Variants in ITGA8 observed in about 807,000 individuals in gnomAD.
The protein encoded by ITGA8 is integrin subunit alpha 8.
ITGA8 carries 91 observed loss-of-function variants against 142.3 expected under a neutral mutation model. The observed-to-expected ratio is 0.64, with a 90% confidence interval of 0.54 to 0.76. The LOEUF (loss-of-function observed/expected upper bound fraction) is 0.76. Among genes scored for constraint, ITGA8 ranks in the 30% least tolerant of loss-of-function variants. ITGA8 has a pLI of 0.00. For missense variants in ITGA8, 1,406 were observed against 1,327.7 expected (o/e 1.06, Z -0.92); for synonymous variants, 505 against 485.2 (o/e 1.04, Z -0.54).
intron 27 of ITGA8, 110 bp downstream of exon 27, chr10:15,548,345 G>A (rs557104114): frequency 5.7e-5 from 42 of 732,014 alleles, no homozygotes; most frequent in African/African-American, 1.5e-4. Flanking sequence ...CATCTGCCTC[G>A]GACTTCCACA....
At chr10:15,672,211 G>T (rs181417915) in intron 7 of ITGA8, among the ~76,000 whole-genome samples, 2 of 152,276 alleles carry the variant, frequency 1.3e-5, no homozygotes, top group East Asian at 1.9e-4. Context: ...CCAAAGTTGG[G>T]AAACAGTAGT....
intron 13 of ITGA8, among the ~76,000 whole-genome samples, chr10:15,620,415 C>A (rs1318558192): frequency 6.6e-6 from 1 of 152,094 alleles, no homozygotes; most frequent in African/African-American, 2.4e-5. Flanking sequence ...GGACACCCTC[C>A]CAACGGTAAT....
At chr10:15,601,541 G>A (rs775812622) in intron 20 of ITGA8, among the ~76,000 whole-genome samples, 8 of 152,062 alleles carry the variant, frequency 5.3e-5, no homozygotes, top group African/African-American at 7.2e-5. Context: ...ACTGAACTGC[G>A]CACTTGAAAA....
intron 8 of ITGA8, among the ~76,000 whole-genome samples, chr10:15,664,709 T>TA (rs1282455040): frequency 7.4e-6 from 1 of 135,616 alleles, no homozygotes; most frequent in African/African-American, 2.7e-5. Flanking sequence ...ATGCTCCCCT[T>TA]CCTGTGTCCA....
intron 2 of ITGA8, among the ~76,000 whole-genome samples, chr10:15,704,933 C>T (rs544759979): frequency 1.3e-5 from 2 of 152,274 alleles, no homozygotes; most frequent in Non-Finnish European, 2.9e-5. Flanking sequence ...TGCCTGCTGC[C>T]AAAAGATATA....
chr10:15,616,207 C>A (rs1006179291), intron 14 of ITGA8, among the ~76,000 whole-genome samples: 1 of 152,204 alleles, frequency 6.6e-6, no homozygotes, highest in Non-Finnish European at 1.5e-5. Context: ...CATTTCAATG[C>A]ATTTCCAAAG....
intron 25 of ITGA8, among the ~76,000 whole-genome samples, chr10:15,565,358 TTTTTGTTTTG>T (rs145563072): frequency 6.6e-6 from 1 of 151,788 alleles, no homozygotes; most frequent in African/African-American, 2.4e-5. Context: ...GCTAAGTTCT[TTTTTGTTTTG>T]TTTTGTTTTG....
chr10:15,532,430 A>AAAAAAAAAG (rs1564339118), intron 27 of ITGA8, among the ~76,000 whole-genome samples: 5 of 135,018 alleles, frequency 3.7e-5, no homozygotes, highest in Admixed American at 8.1e-5. Context: ...AAAAAAAAAA[A>AAAAAAAAAG]AAAAAAAAAA....
chr10:15,681,421 T>C (rs543986971), intron 4 of ITGA8, among the ~76,000 whole-genome samples: 3 of 152,344 alleles, frequency 2.0e-5, no homozygotes, highest in East Asian at 1.9e-4. Flanking sequence ...TGGCAATTTA[T>C]TGAGCTATTC....
chr10:15,538,328 C>G (rs1424360680), intron 27 of ITGA8, among the ~76,000 whole-genome samples: 1 of 152,052 alleles, frequency 6.6e-6, no homozygotes, highest in Non-Finnish European at 1.5e-5. Flanking sequence ...GCCTGGCCAA[C>G]ATGGTGAAAC....
intron 6 of ITGA8, among the ~76,000 whole-genome samples, chr10:15,674,464 G>C (rs1200552887): frequency 6.6e-6 from 1 of 152,190 alleles, no homozygotes; most frequent in Non-Finnish European, 1.5e-5. Flanking sequence ...AATTAACCAA[G>C]TGAATTAGAA....
intron 2 of ITGA8, among the ~76,000 whole-genome samples, chr10:15,711,140 A>G (rs1398823106): frequency 6.6e-6 from 1 of 152,234 alleles, no homozygotes; most frequent in East Asian, 1.9e-4. Flanking sequence ...TAGGAATGAC[A>G]CAAGGAACAA....
intron 2 of ITGA8, among the ~76,000 whole-genome samples, chr10:15,717,588 G>T (rs1835476987): frequency 6.6e-6 from 1 of 152,044 alleles, no homozygotes; most frequent in South Asian, 2.1e-4. Flanking sequence ...TAAAATAACA[G>T]AATATTTAAT....
At chr10:15,593,148 G>A (rs1276501981) in intron 21 of ITGA8, among the ~76,000 whole-genome samples, 2 of 152,116 alleles carry the variant, frequency 1.3e-5, no homozygotes, top group Non-Finnish European at 2.9e-5. Flanking sequence ...AGAATAATAT[G>A]TTCTAGTTGA....
intron 8 of ITGA8, among the ~76,000 whole-genome samples, chr10:15,668,532 A>AT (rs1055507014): frequency 2.6e-5 from 4 of 151,836 alleles, no homozygotes; most frequent in Admixed American, 2.6e-4. Context: ...TAAAGTTAAT[A>AT]TTTTTATGTG....
intron 12 of ITGA8, among the ~76,000 whole-genome samples, chr10:15,645,364 T>C (rs1016397267): frequency 1.3e-5 from 2 of 150,212 alleles, no homozygotes; most frequent in South Asian, 4.1e-4. Flanking sequence ...AAAAATACTA[T>C]TAAAGGTTTG....
intron 25 of ITGA8, among the ~76,000 whole-genome samples, chr10:15,564,296 A>G (rs1008287470): frequency 6.6e-6 from 1 of 152,206 alleles, no homozygotes; most frequent in African/African-American, 2.4e-5. Flanking sequence ...AGAAATCTAA[A>G]CAACAGTTAA....
intron 25 of ITGA8, among the ~76,000 whole-genome samples, chr10:15,559,269 C>T (rs1315572251): frequency 6.6e-6 from 1 of 152,226 alleles, no homozygotes; most frequent in Non-Finnish European, 1.5e-5. Flanking sequence ...GTCCTTCACT[C>T]CAGCATGCTA....
intron 25 of ITGA8, among the ~76,000 whole-genome samples, chr10:15,568,401 G>A (rs1232693142): frequency 2.6e-5 from 4 of 152,244 alleles, no homozygotes. Context: ...GATGATCCCA[G>A]TGGTAGCTTA....
Sources: allele counts gnomAD v4.1 joint callset (sites outside exome capture counted in the v4.1 genomes callset), GRCh38; gene constraint gnomAD v4.1.1; transcripts MANE v1.5; gene names NCBI Gene and HGNC (gene_info 2026-07-23, HGNC 2026-07-21).